ZMIZ1: variants seen among roughly 807,000 people sequenced by gnomAD.
ZMIZ1 encodes zinc finger MIZ domain-containing protein 1.
A neutral mutation model predicts 113.9 loss-of-function variants in ZMIZ1; 17 were observed. That is an observed-to-expected ratio of 0.15 (90% CI 0.10 to 0.22). The LOEUF (loss-of-function observed/expected upper bound fraction) is 0.22. Among genes scored for constraint, ZMIZ1 ranks in the 10% least tolerant of loss-of-function variants. The probability of loss-of-function intolerance (pLI) is 1.00; values close to 1 mark genes in which losing one functional copy is unlikely to be tolerated. For synonymous variants in ZMIZ1, 607 were observed against 603.1 expected (o/e 1.01, Z -0.09); for missense variants, 1,059 against 1,477.8 (o/e 0.72, Z 4.65).
In ZMIZ1 at chr10:79,283,343, C is replaced by G. The variant is rs910075604; in HGVS notation, c.425+6018C>G. Among the ~76,000 whole-genome samples the G allele has an allele frequency of 7.9e-5, 12 of 152,260 alleles. No homozygotes were observed. The East Asian group carries it at 2.3e-3, about 29-fold the overall frequency. ...GCTGGGTAACTGGCCAGTTACTTAC[C>G]CTCCTTGTGCCTCGGTTTCCTCATC... On this transcript the variant is annotated intron_variant, in intron 8 of 24. Transcript: ENST00000334512.
At chr10:79,082,650 C>T (rs1472169300) in intron 1 of ZMIZ1, among the ~76,000 whole-genome samples, 1 of 152,236 alleles carries the variant, frequency 6.6e-6, no homozygotes, top group Non-Finnish European at 1.5e-5. Context: ...GCTTGGTCTC[C>T]CCCTACTTTC....
intron 8 of ZMIZ1, among the ~76,000 whole-genome samples, chr10:79,280,852 T>C (rs1852690324): frequency 6.6e-6 from 1 of 152,132 alleles, no homozygotes; most frequent in African/African-American, 2.4e-5. Flanking sequence ...TTTGTCTTCA[T>C]CTGAACCAAG....
intron 7 of ZMIZ1, among the ~76,000 whole-genome samples, chr10:79,241,584 C>G (rs922212454): frequency 5.9e-5 from 9 of 151,920 alleles, no homozygotes; most frequent in Non-Finnish European, 1.3e-4. Flanking sequence ...TTATGAAGTA[C>G]GAATTAATCC....
intron 2 of ZMIZ1, among the ~76,000 whole-genome samples, chr10:79,123,414 C>T (rs1426397489): frequency 6.6e-6 from 1 of 152,166 alleles, no homozygotes; most frequent in Admixed American, 6.5e-5. Context: ...CGAAGTAAGC[C>T]ATGGGCACTC....
At chr10:79,193,768 A>G (rs963773968) in intron 4 of ZMIZ1, among the ~76,000 whole-genome samples, 9 of 152,198 alleles carry the variant, frequency 5.9e-5, no homozygotes, top group Non-Finnish European at 8.8e-5. Flanking sequence ...GTGTCCAGGC[A>G]TTGCGGGCAG....
intron 23 of ZMIZ1, among the ~76,000 whole-genome samples, chr10:79,308,830 T>C (rs1435495306): frequency 6.6e-6 from 1 of 152,044 alleles, no homozygotes; most frequent in African/African-American, 2.4e-5. Context: ...TCACAGTTCC[T>C]AACACTGGAA....
rs1855445275 is a variant in ZMIZ1, at chr10:79,315,036, G to T, written c.*2287G>T. Reference sequence around the variant, plus strand: ...GGGTGTGTCCACACTCTGCTCACAGGTGGATCCACGGCTTTCCAGTGCGGA... The same window carrying T: ...GGGTGTGTCCACACTCTGCTCACAGTTGGATCCACGGCTTTCCAGTGCGGA... On this transcript the variant is annotated 3_prime_UTR_variant, in exon 25 of 25. Coordinates refer to ENST00000334512, the MANE Select transcript of ZMIZ1 (RefSeq NM_020338.4). 6.5e-6 allele frequency: 1 copy of T among 152,800 alleles called. No individual in the cohort carries two copies. Among genetic ancestry groups the T allele is most frequent in the South Asian group, 2.1e-4 (1 of 4,836 alleles). 9.5% of individuals were successfully genotyped at this position (152,800 alleles called of 1,614,324 possible). A position where few individuals can be genotyped will look rare whatever the true frequency, so the allele number is the denominator to read the frequency against.
At position 79,310,790 on chromosome 10, in the gene ZMIZ1, T is replaced by A. The variant is rs534499458; in HGVS notation, c.2836-134T>A. Reference sequence around the variant, plus strand: ...TTGTTTCTCTGCCCAGAAACAACGTTCAGCCTCGTACCGGGTGGCCACGTT... The same window carrying A: ...TTGTTTCTCTGCCCAGAAACAACGTACAGCCTCGTACCGGGTGGCCACGTT... On this transcript the variant is annotated intron_variant, in intron 23 of 24. Transcript: ENST00000334512. 132 of 1,021,374 alleles carry A rather than the reference T, an allele frequency of 1.3e-4. 1 individual carries two copies. The South Asian group carries it at 2.1e-3, about 17-fold the overall frequency. The allele number at this position is 1,021,374 out of a possible 1,614,324, so 63.3% of individuals were successfully genotyped here.
chr10:79,289,267 C>T (rs909907074), intron 8 of ZMIZ1, among the ~76,000 whole-genome samples: 3 of 152,124 alleles, frequency 2.0e-5, no homozygotes, highest in Non-Finnish European at 2.9e-5. Context: ...AGCCTGCATT[C>T]CCATGGCCCA....
intron 1 of ZMIZ1, among the ~76,000 whole-genome samples, chr10:79,100,213 AG>A (rs1404712637): frequency 6.6e-6 from 1 of 152,040 alleles, no homozygotes; most frequent in Non-Finnish European, 1.5e-5. Context: ...GGACAGGTTC[AG>A]GTCAGCCTAC....
intron 1 of ZMIZ1, among the ~76,000 whole-genome samples, chr10:79,099,940 G>A (rs544677326): frequency 2.8e-4 from 43 of 152,070 alleles, no homozygotes; most frequent in Non-Finnish European, 5.9e-4. Context: ...CTGCTTGTAT[G>A]ACCCGAACAA....
intron 7 of ZMIZ1, among the ~76,000 whole-genome samples, chr10:79,220,649 G>A (rs1239048939): frequency 6.6e-6 from 1 of 152,220 alleles, no homozygotes; most frequent in East Asian, 1.9e-4. Context: ...TTGGGTGTCT[G>A]TAGGTCTGTC....
At chr10:79,139,515 G>A (rs1362052385) in intron 2 of ZMIZ1, among the ~76,000 whole-genome samples, 167 bp from the exon 3 acceptor site, 4 of 152,038 alleles carry the variant, frequency 2.6e-5, no homozygotes, top group African/African-American at 9.7e-5. Flanking sequence ...AGTGTGGCTG[G>A]GCGGGGAAGA....
chr10:79,273,348 TTTTC>T (rs72149160), intron 7 of ZMIZ1, among the ~76,000 whole-genome samples: 1 of 151,620 alleles, frequency 6.6e-6, no homozygotes, highest in African/African-American at 2.4e-5. Context: ...TTGGTTTCTT[TTTTC>T]TTTCTTTCTT....
At chr10:79,193,742 C>T (rs904583034) in intron 4 of ZMIZ1, among the ~76,000 whole-genome samples, 1 of 152,068 alleles carries the variant, frequency 6.6e-6, no homozygotes, top group African/African-American at 2.4e-5. Context: ...TTGAGCCATA[C>T]CCTGATGGAT....
At position 79,125,706 on chromosome 10, in the gene ZMIZ1, T is replaced by A. The variant is rs113713788; in HGVS notation, c.-227+6682T>A. Among the ~76,000 whole-genome samples, 56 of 152,306 alleles carry A rather than the reference T, an allele frequency of 3.7e-4. 1 individual carries two copies. The highest frequency in any genetic ancestry group is 3.4e-3 in the Middle Eastern group (1 of 294). On this transcript the variant is annotated intron_variant, in intron 2 of 24. Coordinates refer to ENST00000334512, the MANE Select transcript of ZMIZ1 (RefSeq NM_020338.4). ...TAGACACTGGGTGGGGCCACAAGCGTGACATCTTTATTGGAATAAAAACAA... is the reference window on the plus strand; with the variant it reads ...TAGACACTGGGTGGGGCCACAAGCGAGACATCTTTATTGGAATAAAAACAA...
intron 7 of ZMIZ1, among the ~76,000 whole-genome samples, chr10:79,239,442 C>T (rs1275468490): frequency 1.3e-5 from 2 of 152,206 alleles, no homozygotes; most frequent in African/African-American, 4.8e-5. Context: ...GTGGCTGGGG[C>T]CTCCTTGTCC....
intron 1 of ZMIZ1, among the ~76,000 whole-genome samples, chr10:79,071,988 A>T (rs1162156499): frequency 6.7e-6 from 1 of 148,456 alleles, no homozygotes. Flanking sequence ...GGGTGGGGGG[A>T]GGAGAAGGGA....
chr10:79,302,869 T>G (rs1181123880), intron 18 of ZMIZ1, among the ~76,000 whole-genome samples: 1 of 145,480 alleles, frequency 6.9e-6, no homozygotes, highest in African/African-American at 2.5e-5. Context: ...AAGTTTTTTT[T>G]TTTTTTTTTT....
Sources: allele counts gnomAD v4.1 joint callset (sites outside exome capture counted in the v4.1 genomes callset), GRCh38; gene constraint gnomAD v4.1.1; transcripts MANE v1.5; gene names NCBI Gene and HGNC (gene_info 2026-07-23, HGNC 2026-07-21).